The following NKX2-2 variants were observed in gnomAD, a reference collection of about 807,000 sequenced individuals.
NKX2-2 encodes homeobox protein Nkx-2.2.
NKX2-2 carries 8 observed loss-of-function variants against 24.6 expected under a neutral mutation model. The observed-to-expected ratio is 0.32, with a 90% CI of 0.19 to 0.59. NKX2-2 has a LOEUF of 0.59. NKX2-2 is among the 20% of genes least tolerant of loss of function. NKX2-2 has a pLI of 0.86. For missense variants in NKX2-2, 381 were observed against 373.9 expected (o/e 1.02, Z -0.16); for synonymous variants, 217 against 173.3 (o/e 1.25, Z -1.98).
intron 1 of NKX2-2, among the ~76,000 whole-genome samples, chr20:21,512,851 C>G (rs962338838): frequency 6.6e-6 from 1 of 152,222 alleles, no homozygotes; most frequent in Non-Finnish European, 1.5e-5. Flanking sequence ...AGAAATACCC[C>G]ACAATCCCAG....
chr20:21,511,791 G>T lies in NKX2-2; in HGVS notation c.*132C>A. On this transcript the variant is annotated 3_prime_UTR_variant, in exon 2 of 2. Transcript: ENST00000377142. ...CTCCCGGCGCCTCCCTAGTGGAGCC[G>T]AGAGTCAACTCGACTCCATAATAAT... 4 of 694,110 alleles carry T rather than the reference G, an allele frequency of 5.8e-6. No individual in the cohort carries two copies. The highest frequency in any genetic ancestry group is 6.0e-5 in the East Asian group (2 of 33,148). 43.0% of individuals were successfully genotyped at this position (694,110 alleles called of 1,614,324 possible). A position where few individuals can be genotyped will look rare whatever the true frequency, so the allele number is the denominator to read the frequency against.
upstream of NKX2-2, among the ~76,000 whole-genome samples, chr20:21,515,561 C>G (rs964856922): frequency 6.6e-6 from 1 of 151,082 alleles, no homozygotes; most frequent in Non-Finnish European, 1.5e-5. Flanking sequence ...AAGACCACGC[C>G]GCATTTGCCA....
At chr20:21,521,507 C>G in the NKX2-2 span, among the ~76,000 whole-genome samples, 1 of 152,180 alleles carries the variant, frequency 6.6e-6, no homozygotes, top group South Asian at 2.1e-4. Context: ...GCCCTCAGCC[C>G]CGGCTCCTCC....
upstream of NKX2-2, among the ~76,000 whole-genome samples, chr20:21,516,254 A>T (rs1980634422): frequency 6.6e-6 from 1 of 152,072 alleles, no homozygotes; most frequent in African/African-American, 2.4e-5. Flanking sequence ...AAACCCCTTC[A>T]TGTCGACGCT....
Position 21,513,884 on chromosome 20 carries a change from C to T in NKX2-2, c.-215G>A, listed in dbSNP as rs1013326446. On this transcript the variant is annotated 5_prime_UTR_variant, in exon 1 of 2. Transcript: ENST00000377142. The surrounding 1 kb of genome is among the most constrained non-coding windows in gnomAD (Gnocchi z 4.6). ...GAAAAAAATGAAGCCCAACCCAGTG[C>T]CTCTCTCTGTCTTCTTTGAAAGCAC... 3.7e-5 allele frequency: 15 copies of T among 403,476 alleles called. No individual in the cohort carries two copies. In the East Asian group the frequency reaches 4.9e-4, roughly 13 times the overall value. The allele number at this position is 403,476 out of a possible 1,614,324, so 25.0% of individuals were successfully genotyped here.
chr20:21,515,871 C>T (rs1440397057), upstream of NKX2-2, among the ~76,000 whole-genome samples: 1 of 152,234 alleles, frequency 6.6e-6, no homozygotes, highest in Non-Finnish European at 1.5e-5. Context: ...CCCCGAGCCG[C>T]TCGGCGGCTT....
upstream of NKX2-2, among the ~76,000 whole-genome samples, chr20:21,514,621 C>A (rs1236213554): frequency 1.3e-5 from 2 of 152,052 alleles, no homozygotes; most frequent in Admixed American, 6.5e-5. Context: ...CCCGGCAAGC[C>A]GGAAAATTGG....
At chr20:21,516,409 C>G (rs1331173721), upstream of NKX2-2, among the ~76,000 whole-genome samples, 1 of 138,072 alleles carries the variant, frequency 7.2e-6, no homozygotes, top group African/African-American at 2.8e-5. Context: ...TTTTTTTGCT[C>G]GCTTTCCGTC....
chr20:21,515,604 G>T (rs905041831), upstream of NKX2-2, among the ~76,000 whole-genome samples: 7 of 151,866 alleles, frequency 4.6e-5, no homozygotes, highest in South Asian at 2.1e-4. Context: ...TTTTGGGGGG[G>T]GGGTGCAGGG....
rs369872520 is a variant in NKX2-2 at position 21,512,283 on chromosome 20, C to G, written c.462G>C (p.Ser154=). Residue 154 remains serine, a synonymous_variant, in exon 2 of 2, where the codon TCG becomes TCC. Transcript: ENST00000377142. ...TGGCCAGGTGTTCGCGCTCGGGCGC[C>G]GACAGGTACCGCTGCTGCCGAAAGC... The part of the protein sequence containing the change: ...ERRFRQQRYL[S]APEREHLASL... The G allele has an allele frequency of 6.2e-7, 1 of 1,613,548 alleles. No individual in the cohort carries two copies. The highest frequency in any genetic ancestry group is 8.5e-7 in the Non-Finnish European group (1 of 1,179,920).
upstream of NKX2-2, among the ~76,000 whole-genome samples, chr20:21,518,456 C>A (rs1980694380): frequency 6.6e-6 from 1 of 152,218 alleles, no homozygotes; most frequent in Non-Finnish European, 1.5e-5. Flanking sequence ...GCTCTCTCTG[C>A]TGCTCTGGGT....
At position 21,513,593 on chromosome 20, in the gene NKX2-2, CCCT is replaced by C. The variant is rs1980522735; in HGVS notation, c.74_76del (p.Glu25del). 6.2e-7 allele frequency: 1 copy of C among 1,613,412 alleles called. No homozygotes were observed. On this transcript the variant is annotated inframe_deletion, in exon 1 of 2. Transcript: ENST00000377142. This position sits in a 1 kb window ranked among gnomAD's most constrained non-coding sequence, Gnocchi z 4.6. ...TTCCTCCGGACCTTCGGCCACAGAG[CCCT>C]CCTCATCGTTGGTGTCCGGCAGGTC...
chr20:21,518,871 G>A (rs1980703709), upstream of NKX2-2, among the ~76,000 whole-genome samples: 1 of 152,318 alleles, frequency 6.6e-6, no homozygotes, highest in African/African-American at 2.4e-5. Context: ...CTCCGTGGAC[G>A]GCATCCGACC....
upstream of NKX2-2, among the ~76,000 whole-genome samples, chr20:21,516,706 A>C (rs1026895175): frequency 2.0e-5 from 3 of 152,128 alleles, no homozygotes; most frequent in Non-Finnish European, 4.4e-5. Context: ...CAGGGCAGCC[A>C]CTAGGTTGGG....
At chr20:21,521,969 G>C in the NKX2-2 span, among the ~76,000 whole-genome samples, 7 of 152,208 alleles carry the variant, frequency 4.6e-5, no homozygotes, top group Non-Finnish European at 8.8e-5. Context: ...GGACCGCCGC[G>C]GGTGCCGCGC....
rs1183542966 is a variant in NKX2-2 at position 21,512,443 on chromosome 20, G to A, written c.302C>T (p.Ser101Phe). Residue 101 changes from serine (S) to phenylalanine (F), a missense_variant, in exon 2 of 2, where the codon TCC becomes TTC. Physicochemically the swap from Ser to Phe is radical, Grantham distance 155 (BLOSUM62 -2). Around this residue, in one of 3 missense-constraint regions of NKX2-2, gnomAD observed 206 missense variants for 173.1 expected, o/e 1.19. Coordinates refer to ENST00000377142, the MANE Select transcript of NKX2-2 (RefSeq NM_002509.4). The stretch of plus-strand genomic sequence containing the variant: ...GTCGGCCGAGGGCTCCGGGGACTTG[G>A]AGCTTGAGTCCTGAGGGGGCGCCCC... ...AAGAPPQDSS[S>F]KSPEPSADES... is the part of the protein sequence containing the mutation. 6.3e-7 allele frequency: 1 copy of A among 1,588,846 alleles called. No homozygotes were observed. The highest frequency in any genetic ancestry group is 1.1e-5 in the South Asian group (1 of 88,496).
At chr20:21,522,164 C>T in the NKX2-2 span, among the ~76,000 whole-genome samples, 1 of 152,248 alleles carries the variant, frequency 6.6e-6, no homozygotes, top group East Asian at 1.9e-4. Context: ...GCCACTCCTG[C>T]CGTGATCCGC....
At chr20:21,519,790 A>G in the NKX2-2 span, among the ~76,000 whole-genome samples, 1 of 152,202 alleles carries the variant, frequency 6.6e-6, no homozygotes, top group Non-Finnish European at 1.5e-5. Flanking sequence ...ACAGGGTCAT[A>G]GGAAATCCCT....
upstream of NKX2-2, among the ~76,000 whole-genome samples, chr20:21,515,864 C>T (rs931745250): frequency 2.0e-5 from 3 of 152,174 alleles, no homozygotes; most frequent in South Asian, 6.2e-4. Flanking sequence ...CACCTCTCCC[C>T]GAGCCGCTCG....
Sources: allele counts gnomAD v4.1 joint callset (sites outside exome capture counted in the v4.1 genomes callset), GRCh38; gene constraint gnomAD v4.1.1; regional missense constraint gnomAD v4.1.1; non-coding constraint Gnocchi (gnomAD v3.1); transcripts MANE v1.5; gene names NCBI Gene and HGNC (gene_info 2026-07-23, HGNC 2026-07-21).